The following PPP1R1C variants were observed in gnomAD, a reference collection of about 807,000 sequenced individuals.
PPP1R1C encodes protein phosphatase 1 regulatory inhibitor subunit 1C.
In PPP1R1C, 15 loss-of-function variants were observed where a neutral mutation model predicts 17.4. The ratio of observed to expected loss-of-function variants is 0.86; its 90% CI spans 0.58 to 1.33. The LOEUF is 1.33. Among genes scored for constraint, PPP1R1C ranks in the 40% most tolerant of loss-of-function variants. The pLI, the probability that PPP1R1C is intolerant of heterozygous loss-of-function variation, is 0.00. For missense variants in PPP1R1C, 143 were observed against 130.0 expected (o/e 1.10, Z -0.48); for synonymous variants, 35 against 43.1 (o/e 0.81, Z 0.73).
chr2:181,978,943 G>T (rs1211383552), intron 2 of PPP1R1C, among the ~76,000 whole-genome samples: 1 of 152,070 alleles, frequency 6.6e-6, no homozygotes, highest in Non-Finnish European at 1.5e-5. Flanking sequence ...GAGTAAAGAA[G>T]CCTCCAGAGC....
chr2:181,982,636 G>A (rs1374550787), upstream of PPP1R1C, among the ~76,000 whole-genome samples: 2 of 152,186 alleles, frequency 1.3e-5, no homozygotes, highest in African/African-American at 4.8e-5. Flanking sequence ...GGTGGAATTA[G>A]AGAATGAATA....
chr2:182,038,354 AAACT>A (rs1687076573), intron 2 of PPP1R1C, among the ~76,000 whole-genome samples: 1 of 152,180 alleles, frequency 6.6e-6, no homozygotes, highest in African/African-American at 2.4e-5. Flanking sequence ...CATAATTTTT[AAACT>A]AACTATCCCT....
intron 2 of PPP1R1C, among the ~76,000 whole-genome samples, chr2:182,005,068 T>C (rs939118977): frequency 6.6e-6 from 1 of 152,214 alleles, no homozygotes; most frequent in Non-Finnish European, 1.5e-5. Context: ...GCTGCTAGTA[T>C]TATAAACTAA....
downstream of PPP1R1C, among the ~76,000 whole-genome samples, chr2:182,121,346 A>G (rs1431447135): frequency 8.0e-6 from 1 of 124,988 alleles, no homozygotes; most frequent in Non-Finnish European, 1.7e-5. Context: ...AAGCTTAGTG[A>G]GCATTTAATA....
intron 1 of PPP1R1C, among the ~76,000 whole-genome samples, chr2:181,986,696 A>G (rs1336068540): frequency 6.6e-6 from 1 of 152,228 alleles, no homozygotes; most frequent in Non-Finnish European, 1.5e-5. Context: ...TATTACAGCT[A>G]GGATTTGTAG....
At chr2:182,067,543 A>T (rs1035530540) in intron 4 of PPP1R1C, among the ~76,000 whole-genome samples, 1 of 152,158 alleles carries the variant, frequency 6.6e-6, no homozygotes, top group Non-Finnish European at 1.5e-5. Context: ...ACTGCTGATC[A>T]TGGTGATTTC....
chr2:181,994,014 T>C (rs1182043190), intron 2 of PPP1R1C, among the ~76,000 whole-genome samples: 1 of 136,602 alleles, frequency 7.3e-6, no homozygotes, highest in Non-Finnish European at 1.7e-5. Flanking sequence ...TAGTAGTGGG[T>C]AAGAAAAAAA....
intron 5 of PPP1R1C, among the ~76,000 whole-genome samples, chr2:182,124,327 G>GTTTTTTTTTTTTTTTTTTTTTTTTTT (rs1294464668): frequency 1.6e-4 from 13 of 83,000 alleles, no homozygotes; most frequent in East Asian, 3.4e-4. Context: ...TTTTTTTTTT[G>GTTTTTTTTTTTTTTTTTTTTTTTTTT]TTTTTTTTTT....
At chr2:182,052,153 G>T (rs552391697) in intron 2 of PPP1R1C, among the ~76,000 whole-genome samples, 1 of 152,246 alleles carries the variant, frequency 6.6e-6, no homozygotes, top group African/African-American at 2.4e-5. Context: ...AAAAATGCTA[G>T]CAATATAAAT....
chr2:182,004,011 T>G (rs1685844513), intron 2 of PPP1R1C, among the ~76,000 whole-genome samples: 2 of 152,044 alleles, frequency 1.3e-5, no homozygotes, highest in South Asian at 4.1e-4. Context: ...TGGCTGGTTT[T>G]GAAGCATCAC....
chr2:182,122,116 CTG>C (rs1173662450), downstream of PPP1R1C, among the ~76,000 whole-genome samples: 1 of 152,026 alleles, frequency 6.6e-6, no homozygotes, highest in Non-Finnish European at 1.5e-5. Context: ...AACAGGCAGA[CTG>C]TGGCAGAGTC....
intron 4 of PPP1R1C, among the ~76,000 whole-genome samples, chr2:182,116,337 G>A (rs1472088449): frequency 6.6e-6 from 1 of 152,138 alleles, no homozygotes; most frequent in Non-Finnish European, 1.5e-5. Context: ...GTTCTGTAAG[G>A]TAATTGACAA....
intron 2 of PPP1R1C, among the ~76,000 whole-genome samples, chr2:182,019,462 C>T (rs924915753): frequency 2.0e-5 from 3 of 152,170 alleles, no homozygotes; most frequent in Non-Finnish European, 4.4e-5. Context: ...TTGGTGGCCA[C>T]CCTCAGCTCT....
intron 2 of PPP1R1C, among the ~76,000 whole-genome samples, chr2:181,994,640 T>C (rs1368116201): frequency 2.6e-5 from 4 of 152,216 alleles, no homozygotes; most frequent in Non-Finnish European, 4.4e-5. Flanking sequence ...TATTCTTCTC[T>C]TAGTTTCTAC....
At chr2:181,996,045 A>G (rs1398581490) in intron 2 of PPP1R1C, among the ~76,000 whole-genome samples, 1 of 152,192 alleles carries the variant, frequency 6.6e-6, no homozygotes, top group Non-Finnish European at 1.5e-5. Context: ...AATTAAACAG[A>G]TAAAACTGCA....
chr2:181,966,725 G>T (rs879876590), intron 1 of PPP1R1C, among the ~76,000 whole-genome samples: 5 of 151,886 alleles, frequency 3.3e-5, no homozygotes, highest in Non-Finnish European at 5.9e-5. Flanking sequence ...TTTTGTTAAG[G>T]GTTTTTGCAT....
intron 4 of PPP1R1C, among the ~76,000 whole-genome samples, chr2:182,085,935 G>T (rs1445915489): frequency 6.6e-6 from 1 of 151,902 alleles, no homozygotes; most frequent in Non-Finnish European, 1.5e-5. Context: ...CCCCTAGATG[G>T]GTCATAAAGT....
At chr2:182,042,244 A>G (rs1649892390) in intron 2 of PPP1R1C, among the ~76,000 whole-genome samples, 1 of 152,236 alleles carries the variant, frequency 6.6e-6, no homozygotes, top group Non-Finnish European at 1.5e-5. Context: ...TCTTTGTTCA[A>G]TGAAGTTCAA....
intron 2 of PPP1R1C, among the ~76,000 whole-genome samples, chr2:182,020,170 A>G (rs2125162291): frequency 6.6e-6 from 1 of 152,324 alleles, no homozygotes; most frequent in Non-Finnish European, 1.5e-5. Context: ...AAGTAGCATC[A>G]TTTTGATTTG....
Sources: allele counts gnomAD v4.1 joint callset (sites outside exome capture counted in the v4.1 genomes callset), GRCh38; gene constraint gnomAD v4.1.1; transcripts MANE v1.5; gene names NCBI Gene and HGNC (gene_info 2026-07-23, HGNC 2026-07-21).